Variants in RAD51B observed in about 807,000 individuals in gnomAD.
The protein encoded by RAD51B is DNA repair protein RAD51 homolog 2.
In RAD51B, 38 loss-of-function variants were observed where a neutral mutation model predicts 42.2. The ratio of observed to expected loss-of-function variants is 0.90; its 90% CI spans 0.70 to 1.18. RAD51B has a LOEUF of 1.18. Ranked by LOEUF, RAD51B falls within the 50% of genes most tolerant of loss-of-function variation. The pLI is 0.00. For missense variants in RAD51B, 373 were observed against 400.7 expected, an observed-to-expected ratio of 0.93 and a Z score of 0.59; for synonymous variants, 154 against 145.2, an observed-to-expected ratio of 1.06 and a Z score of -0.43.
At chr14:67,912,613 T>C (rs1160839794) in intron 7 of RAD51B, among the ~76,000 whole-genome samples, 1 of 152,004 alleles carries the variant, frequency 6.6e-6, no homozygotes, top group Admixed American at 6.6e-5. Flanking sequence ...AAAGTAGAGA[T>C]ACAAACAATT....
At chr14:68,404,074 A>G (rs1401654695) in intron 8 of RAD51B, among the ~76,000 whole-genome samples, 6 of 152,228 alleles carry the variant, frequency 3.9e-5, no homozygotes, top group African/African-American at 1.4e-4. Flanking sequence ...CTTCAGTGTG[A>G]GTAGATTAGA....
intron 7 of RAD51B, among the ~76,000 whole-genome samples, chr14:68,066,846 G>T (rs546752041): frequency 8.1e-4 from 123 of 152,222 alleles, no homozygotes; most frequent in African/African-American, 2.8e-3. Context: ...TAAAGGAAAA[G>T]AATTTAAAAG....
At chr14:68,078,706 G>A (rs970193265) in intron 7 of RAD51B, among the ~76,000 whole-genome samples, 42 of 152,238 alleles carry the variant, frequency 2.8e-4, no homozygotes, top group African/African-American at 1.0e-3. Context: ...ATTATAACTT[G>A]GGGCTGGACA....
chr14:68,041,849 C>A (rs2076223247), intron 7 of RAD51B, among the ~76,000 whole-genome samples: 1 of 152,178 alleles, frequency 6.6e-6, no homozygotes, highest in Non-Finnish European at 1.5e-5. Flanking sequence ...ATCCATGAGG[C>A]CTCTGTTTCC....
At chr14:68,369,777 A>G (rs1324307972) in intron 8 of RAD51B, among the ~76,000 whole-genome samples, 1 of 152,218 alleles carries the variant, frequency 6.6e-6, no homozygotes, top group African/African-American at 2.4e-5. Context: ...ACCATGGCCT[A>G]GTCATTTCTC....
intron 7 of RAD51B, among the ~76,000 whole-genome samples, chr14:68,135,832 A>G (rs2077996685): frequency 6.6e-6 from 1 of 152,164 alleles, no homozygotes; most frequent in African/African-American, 2.4e-5. Flanking sequence ...CAAGTAGAGA[A>G]ATTTTCAGTA....
At chr14:68,224,145 T>A (rs751880259) in intron 7 of RAD51B, among the ~76,000 whole-genome samples, 2 of 152,206 alleles carry the variant, frequency 1.3e-5, no homozygotes, top group Non-Finnish European at 2.9e-5. Context: ...ATGACTTTGT[T>A]TTCCGGATCT....
At chr14:67,839,690 C>T (rs1032466108) in intron 4 of RAD51B, among the ~76,000 whole-genome samples, 1 of 151,784 alleles carries the variant, frequency 6.6e-6, no homozygotes, top group African/African-American at 2.4e-5. Flanking sequence ...TTTATTTCTG[C>T]CATTTTCTTA....
intron 8 of RAD51B, among the ~76,000 whole-genome samples, chr14:68,377,044 A>G (rs1049404975): frequency 5.3e-5 from 8 of 152,214 alleles, no homozygotes; most frequent in Non-Finnish European, 1.0e-4. Flanking sequence ...GGAAGGGTTT[A>G]CTATATTATT....
At position 68,256,599 on chromosome 14, in the gene RAD51B, G is replaced by A. The variant is rs372147629; in HGVS notation, c.757-35285G>A. 2.6e-5 allele frequency among the ~76,000 whole-genome samples: 4 copies of A among 152,186 alleles called. No individual in the cohort carries two copies. In the East Asian group the frequency reaches 5.8e-4, roughly 22 times the overall value. ...AGTCACACTGCTTGGTTGATCTGTCGTGACATCCTAATATTTTCTCTCAAA... is the reference window on the plus strand; with the variant it reads ...AGTCACACTGCTTGGTTGATCTGTCATGACATCCTAATATTTTCTCTCAAA... On this transcript the variant is annotated intron_variant, in intron 7 of 10. Transcript: ENST00000471583.
chr14:67,901,010 G>C (rs2043594457), intron 7 of RAD51B, among the ~76,000 whole-genome samples: 1 of 152,166 alleles, frequency 6.6e-6, no homozygotes, highest in Admixed American at 6.5e-5. Context: ...AGAGTAAATA[G>C]AGTAGAATTT....
At chr14:68,039,103 G>T (rs1256274059) in intron 7 of RAD51B, among the ~76,000 whole-genome samples, 1 of 152,070 alleles carries the variant, frequency 6.6e-6, no homozygotes, top group African/African-American at 2.4e-5. Context: ...TTAAGAAAGT[G>T]ATGGAAAAAA....
intron 7 of RAD51B, among the ~76,000 whole-genome samples, chr14:68,086,264 G>A (rs1018303319): frequency 1.3e-5 from 2 of 152,138 alleles, no homozygotes; most frequent in Non-Finnish European, 2.9e-5. Context: ...TTGTTGGCTT[G>A]CCGGTGTGCT....
At chr14:68,210,653 T>C (rs1233949692) in intron 7 of RAD51B, among the ~76,000 whole-genome samples, 1 of 152,198 alleles carries the variant, frequency 6.6e-6, no homozygotes, top group African/African-American at 2.4e-5. Flanking sequence ...ATAGTTTTCT[T>C]ACCTGTAACA....
At chr14:68,090,686 T>A (rs1177832353) in intron 7 of RAD51B, among the ~76,000 whole-genome samples, 5 of 150,094 alleles carry the variant, frequency 3.3e-5, no homozygotes, top group Non-Finnish European at 5.9e-5. Flanking sequence ...TTATTTATTT[T>A]ATTTATTTAT....
intron 10 of RAD51B, among the ~76,000 whole-genome samples, chr14:68,475,110 C>T (rs1882450147): frequency 6.6e-6 from 1 of 152,172 alleles, no homozygotes; most frequent in Non-Finnish European, 1.5e-5. Context: ...CATCCCCCAT[C>T]CCTTAAGGAC....
chr14:67,932,062 T>C (rs2044757918), intron 7 of RAD51B, among the ~76,000 whole-genome samples: 1 of 152,230 alleles, frequency 6.6e-6, no homozygotes, highest in Admixed American at 6.5e-5. Flanking sequence ...TGGAGTACAA[T>C]TGAACATGTC....
exon 11 of RAD51B, chr14:68,611,548 C>A: frequency 2.2e-6 from 1 of 445,150 alleles, no homozygotes; most frequent in South Asian, 2.6e-5. Flanking sequence ...CTTATTAAGC[C>A]TTGCAGCTCC....
At chr14:67,839,016 T>A (rs1437199301) in intron 4 of RAD51B, among the ~76,000 whole-genome samples, 1 of 152,178 alleles carries the variant, frequency 6.6e-6, no homozygotes, top group Non-Finnish European at 1.5e-5. Context: ...GATGTTAAAC[T>A]ACTATTGCAT....
Sources: gnomAD v4.1 joint callset for allele counts (sites outside exome capture counted in the v4.1 genomes callset) on GRCh38, gnomAD v4.1.1 for gene constraint, MANE v1.5 for transcripts, NCBI Gene and HGNC (gene_info 2026-07-23, HGNC 2026-07-21) for gene names.